TPPP: variants seen among roughly 807,000 people sequenced by gnomAD.
The protein encoded by TPPP is tubulin polymerization-promoting protein.
A neutral mutation model predicts 15.5 loss-of-function variants in TPPP; 6 were observed. The observed-to-expected ratio is 0.39, with a 90% confidence interval of 0.21 to 0.77. The LOEUF is 0.77. Ranked by LOEUF, TPPP falls within the 30% of genes least tolerant of loss-of-function variation. The pLI is 0.42. For missense variants in TPPP, 269 were observed against 307.2 expected, an observed-to-expected ratio of 0.88 and a Z score of 0.93; for synonymous variants, 146 against 133.9, an observed-to-expected ratio of 1.09 and a Z score of -0.63.
At chr5:685,803 G>A (rs1484710583) in intron 1 of TPPP, among the ~76,000 whole-genome samples, 6 of 152,178 alleles carry the variant, frequency 3.9e-5, no homozygotes, top group Non-Finnish European at 5.9e-5. Context: ...TGAGAAGGCG[G>A]GGCAGTCTCA....
At position 664,795 on chromosome 5, in the gene TPPP, C is replaced by G. The variant is rs1206618457; in HGVS notation, c.*307G>C. The G allele has an allele frequency of 5.9e-6, 2 of 338,326 alleles. No homozygotes were observed. The highest frequency in any genetic ancestry group is 5.8e-5 in the East Asian group (1 of 17,308). The allele number at this position is 338,326 out of a possible 1,614,324, so 21.0% of individuals were successfully genotyped here. On this transcript the variant is annotated 3_prime_UTR_variant, in exon 4 of 4. Coordinates refer to ENST00000360578, the MANE Select transcript of TPPP (RefSeq NM_007030.3). ...TGACAGCCAGCTGCTTTAAAACGCCCCTTTGACCTGCAAACCACGTGCCCA... is the reference window on the plus strand; with the variant it reads ...TGACAGCCAGCTGCTTTAAAACGCCGCTTTGACCTGCAAACCACGTGCCCA...
At chr5:676,647 G>A (rs529426469) in intron 2 of TPPP, 16 of 152,360 alleles carry the variant, frequency 1.1e-4, no homozygotes, top group African/African-American at 2.4e-4. Context: ...TGCTTTTCTC[G>A]GGTGCGATCA....
chr5:699,658 T>TATCA, the TPPP span, among the ~76,000 whole-genome samples: 4 of 151,770 alleles, frequency 2.6e-5, no homozygotes, highest in Non-Finnish European at 1.5e-5. Flanking sequence ...CAAAAGAAAC[T>TATCA]ATCAACAGGG....
At chr5:693,845 G>A (rs1419884766), upstream of TPPP, among the ~76,000 whole-genome samples, 1 of 149,712 alleles carries the variant, frequency 6.7e-6, no homozygotes, top group Non-Finnish European at 1.5e-5. Context: ...AGCCGCAGAC[G>A]GTGCAGGGAA....
At chr5:675,144 T>TGGCCAGGGGTGCAATGC (rs1740366618) in intron 2 of TPPP, among the ~76,000 whole-genome samples, 2 of 116,508 alleles carry the variant, frequency 1.7e-5, no homozygotes, top group Non-Finnish European at 3.5e-5. Context: ...GGGTGCAGTG[T>TGGCCAGGGGTGCAATGC]GGCCAGGGGT....
intron 1 of TPPP, among the ~76,000 whole-genome samples, chr5:682,780 C>T (rs549243713): frequency 7.9e-5 from 12 of 152,124 alleles, no homozygotes; most frequent in Admixed American, 4.6e-4. Flanking sequence ...AGAGCCTACA[C>T]GACTGCTCTC....
the TPPP span, among the ~76,000 whole-genome samples, chr5:698,604 C>T: frequency 6.6e-6 from 1 of 151,878 alleles, no homozygotes; most frequent in South Asian, 2.1e-4. Flanking sequence ...GGGGTTTCCC[C>T]TTATAAAACC....
intron 2 of TPPP, among the ~76,000 whole-genome samples, chr5:674,006 C>A (rs560974036): frequency 3.3e-5 from 5 of 152,324 alleles, no homozygotes; most frequent in South Asian, 2.1e-4. Flanking sequence ...CAACTTTCTG[C>A]AGAAGGAATC....
At chr5:667,504 C>T (rs988255542) in intron 2 of TPPP, among the ~76,000 whole-genome samples, 21 of 152,048 alleles carry the variant, frequency 1.4e-4, no homozygotes, top group African/African-American at 3.9e-4. Flanking sequence ...TGGGGTTAGG[C>T]GAAGATTTCT....
chr5:697,459 A>G (rs1028959594), upstream of TPPP, among the ~76,000 whole-genome samples: 20 of 152,016 alleles, frequency 1.3e-4, no homozygotes, highest in African/African-American at 3.9e-4. Flanking sequence ...TGGCAGAGAC[A>G]CGGAGGACCA....
At chr5:674,298 C>CGGGGCTGGGATCCACGAA (rs60956071) in intron 2 of TPPP, among the ~76,000 whole-genome samples, 18,144 of 152,118 alleles carry the variant, frequency 0.12, 3,045 homozygotes, top group African/African-American at 0.38. Flanking sequence ...CCCAGGAGCA[C>CGGGGCTGGGATCCACGAA]GGGGCTGGGT....
In TPPP at chr5:676,209, A is replaced by C. The variant is rs557025172; in HGVS notation, c.311+1541T>G. The stretch of plus-strand genomic sequence containing the variant: ...CCAAACCCCAAATGCCCTCGGATGC[A>C]CTCAGATGCGCCGTACACAACAGGA... On this transcript the variant is annotated intron_variant, in intron 2 of 3. Transcript: ENST00000360578. 2.0e-5 allele frequency: 3 copies of C among 152,340 alleles called. No individual in the cohort carries two copies. The East Asian group carries it at 5.8e-4, about 29-fold the overall frequency. 9.4% of individuals were successfully genotyped at this position (152,340 alleles called of 1,614,324 possible). A position where few individuals can be genotyped will look rare whatever the true frequency, so the allele number is the denominator to read the frequency against.
intron 1 of TPPP, 60 bp from the exon 2 acceptor site, chr5:678,124 C>A (rs1740514877): frequency 1.4e-6 from 2 of 1,439,546 alleles, no homozygotes; most frequent in South Asian, 1.5e-5. Context: ...GAGCCGGGTG[C>A]AGCCCAGGAA....
intron 1 of TPPP, among the ~76,000 whole-genome samples, chr5:691,945 GCCC>G (rs1403019463): frequency 1.3e-5 from 1 of 78,774 alleles, no homozygotes. Context: ...CAAAACAGCA[GCCC>G]CCAACCCCTC....
chr5:668,677 G>A (rs989184569), intron 2 of TPPP, among the ~76,000 whole-genome samples: 4 of 152,274 alleles, frequency 2.6e-5, no homozygotes, highest in South Asian at 2.1e-4. Context: ...CAGCAGTCCC[G>A]TTCCTGGGTC....
intron 1 of TPPP, among the ~76,000 whole-genome samples, chr5:679,318 C>T (rs1290784565): frequency 6.7e-6 from 1 of 149,440 alleles, no homozygotes; most frequent in African/African-American, 2.6e-5. Flanking sequence ...TCACCCCTTT[C>T]CCTGGAAGGC....
At chr5:688,673 C>T (rs1257949582) in intron 1 of TPPP, among the ~76,000 whole-genome samples, 6 of 142,116 alleles carry the variant, frequency 4.2e-5, no homozygotes, top group African/African-American at 1.0e-4. Context: ...GTGGCAGGAA[C>T]AAGCCTGGTG....
At chr5:685,845 C>A (rs1050221242) in intron 1 of TPPP, among the ~76,000 whole-genome samples, 1 of 152,174 alleles carries the variant, frequency 6.6e-6, no homozygotes, top group African/African-American at 2.4e-5. Flanking sequence ...ACGGCAGATC[C>A]CCTCTGAGTG....
intron 1 of TPPP, chr5:692,723 G>A (rs1420428163): frequency 3.6e-5 from 35 of 981,816 alleles, no homozygotes; most frequent in Non-Finnish European, 3.5e-5. Context: ...GGCTCTGCGG[G>A]GGGCGGTCTG....
Sources: gnomAD v4.1 joint callset for allele counts (sites outside exome capture counted in the v4.1 genomes callset) on GRCh38, gnomAD v4.1.1 for gene constraint, MANE v1.5 for transcripts, NCBI Gene and HGNC (gene_info 2026-07-23, HGNC 2026-07-21) for gene names.